The following ITGB5 variants were observed in gnomAD, a reference collection of about 807,000 sequenced individuals.
ITGB5 encodes the protein integrin beta-5.
ITGB5 carries 38 observed loss-of-function variants against 84.8 expected under a neutral mutation model. The observed-to-expected ratio is 0.45, with a 90% CI of 0.35 to 0.59. ITGB5 has a LOEUF of 0.59. Among genes scored for constraint, ITGB5 ranks in the 20% least tolerant of loss-of-function variants. The probability of loss-of-function intolerance (pLI) is 0.01; values close to 1 mark genes in which losing one functional copy is unlikely to be tolerated. For missense variants in ITGB5, 905 were observed against 1,034.5 expected (o/e 0.87, Z 1.72); for synonymous variants, 393 against 414.4 (o/e 0.95, Z 0.63).
chr3:124,772,967 G>A (rs939055442), intron 11 of ITGB5, among the ~76,000 whole-genome samples: 1 of 148,028 alleles, frequency 6.8e-6, no homozygotes, highest in African/African-American at 2.5e-5. Context: ...AGGCTGGGGT[G>A]CAGTGGTGCG....
rs113766698 is a variant in ITGB5, at chr3:124,805,133, T to TTC, written c.1263+3887_1263+3888dup. ...CCTTCCTTTCCCTTCCTTTCTCCCT[T>TTC]TCTCTCTCTCTCTCTCTTTCTTTCT... On this transcript the variant is annotated intron_variant, in intron 9 of 14. Transcript: ENST00000296181. 1.6e-4 allele frequency among the ~76,000 whole-genome samples: 23 copies of TTC among 142,088 alleles called. No individual in the cohort carries two copies. In the South Asian group the frequency reaches 1.7e-3, roughly 10 times the overall value. The allele number at this position is 142,088 out of a possible 152,430, so 93.2% of individuals were successfully genotyped here. A position where few individuals can be genotyped will look rare whatever the true frequency, so the allele number is the denominator to read the frequency against.
chr3:124,863,986 A>AG lies in ITGB5; in HGVS notation c.157-4541dup, dbSNP rs1244389024. On this transcript the variant is annotated intron_variant, in intron 2 of 14. Transcript: ENST00000296181. ...GTTTAAGGTAAAAAAAGAAAAAAAA[A>AG]GAAAAAAAAGAAAGAGAGAGAGAGG... Among the ~76,000 whole-genome samples the AG allele has an allele frequency of 1.7e-4, 25 of 148,114 alleles. No individual in the cohort carries two copies. In the South Asian group the frequency reaches 4.8e-3, roughly 29 times the overall value.
intron 10 of ITGB5, 116 bp from the exon 11 acceptor site, chr3:124,774,028 G>A (rs1237001095): frequency 1.8e-5 from 16 of 886,586 alleles, no homozygotes; most frequent in Non-Finnish European, 2.8e-5. Context: ...CACCAACTCT[G>A]CCCTCAGAGC....
chr3:124,774,695 G>A (rs11720803), intron 10 of ITGB5, among the ~76,000 whole-genome samples: 2,003 of 152,258 alleles, frequency 0.013, 34 homozygotes, highest in South Asian at 0.044. Context: ...CAGAAAACAC[G>A]GTTGTTCTCC....
At chr3:124,837,264 C>T (rs2064948282) in intron 5 of ITGB5, among the ~76,000 whole-genome samples, 1 of 152,236 alleles carries the variant, frequency 6.6e-6, no homozygotes, top group African/African-American at 2.4e-5. Flanking sequence ...GTCTGAACCA[C>T]ACATCACACT....
At chr3:124,804,761 G>T (rs1160168223) in intron 9 of ITGB5, among the ~76,000 whole-genome samples, 2 of 151,788 alleles carry the variant, frequency 1.3e-5, no homozygotes, top group Non-Finnish European at 2.9e-5. Context: ...CTGCCTTCCA[G>T]GTTTGAGCGA....
At chr3:124,771,092 G>C (rs543151938) in intron 11 of ITGB5, among the ~76,000 whole-genome samples, 2 of 152,278 alleles carry the variant, frequency 1.3e-5, no homozygotes, top group African/African-American at 2.4e-5. Flanking sequence ...TGTACTGGTT[G>C]AAACTTGTAA....
chr3:124,764,914 G>A (rs1559918660), intron 13 of ITGB5, among the ~76,000 whole-genome samples: 1 of 152,190 alleles, frequency 6.6e-6, no homozygotes. Flanking sequence ...GGGCAGGCAG[G>A]AGGTACCATG....
At chr3:124,873,408 A>G (rs778559674) in intron 2 of ITGB5, 38 bp downstream of exon 2, 1 of 1,389,314 alleles carries the variant, frequency 7.2e-7, no homozygotes, top group South Asian at 1.2e-5. Flanking sequence ...CCCTCGCAGC[A>G]TTCCTTCCCT....
At chr3:124,891,471 G>A (rs1273803452), upstream of ITGB5, among the ~76,000 whole-genome samples, 1 of 151,848 alleles carries the variant, frequency 6.6e-6, no homozygotes, top group South Asian at 2.1e-4. Flanking sequence ...CTGGAGGCCA[G>A]GAGTTCAAGA....
In ITGB5 at chr3:124,841,512, G is replaced by A. The variant is rs759390558; in HGVS notation, c.651C>T (p.Phe217=). The part of the protein sequence containing the change: ...LFPNCVPSFG[F]RHLLPLTDRV... Reference sequence around the variant, plus strand: ...TGTCTGTGAGAGGCAGCAGATGGCGGAACCCAAAGGAGGGGACGCAATTTG... The same window carrying A: ...TGTCTGTGAGAGGCAGCAGATGGCGAAACCCAAAGGAGGGGACGCAATTTG... Residue 217 remains phenylalanine, a synonymous_variant, in exon 5 of 15, where the codon TTC becomes TTT. Transcript: ENST00000296181. 2 of 1,614,112 alleles carry A rather than the reference G, an allele frequency of 1.2e-6. No individual in the cohort carries two copies. Among genetic ancestry groups the A allele is most frequent in the Non-Finnish European group, 1.7e-6 (2 of 1,179,994 alleles).
intron 5 of ITGB5, among the ~76,000 whole-genome samples, chr3:124,835,153 G>A (rs1380349902): frequency 6.6e-6 from 1 of 152,090 alleles, no homozygotes; most frequent in Non-Finnish European, 1.5e-5. Flanking sequence ...AAAAAGAAAC[G>A]CAAACTCTCC....
At chr3:124,768,803 T>G (rs1194409767) in intron 12 of ITGB5, among the ~76,000 whole-genome samples, 7 of 152,208 alleles carry the variant, frequency 4.6e-5, no homozygotes, top group Admixed American at 4.6e-4. Flanking sequence ...ACGTTTGACT[T>G]TTTAGGAAAC....
chr3:124,777,032 G>A (rs2063936604), intron 10 of ITGB5, among the ~76,000 whole-genome samples: 1 of 152,196 alleles, frequency 6.6e-6, no homozygotes, highest in Non-Finnish European at 1.5e-5. Context: ...GCTGCTTTAA[G>A]TATGTCTGAT....
At chr3:124,790,720 T>G (rs900636436) in intron 10 of ITGB5, among the ~76,000 whole-genome samples, 4 of 152,184 alleles carry the variant, frequency 2.6e-5, no homozygotes, top group Non-Finnish European at 4.4e-5. Flanking sequence ...TTCTTTTTTT[T>G]TTTGTTTGGG....
At chr3:124,804,050 C>A (rs1199666460) in intron 9 of ITGB5, among the ~76,000 whole-genome samples, 2 of 152,156 alleles carry the variant, frequency 1.3e-5, no homozygotes, top group African/African-American at 4.8e-5. Context: ...CCATAAGGAA[C>A]CCCAATATAT....
chr3:124,773,749 C>G lies in ITGB5; in HGVS notation c.1857G>C (p.Gly619=). 6.2e-7 allele frequency: 1 copy of G among 1,612,856 alleles called. No homozygotes were observed. The highest frequency in any genetic ancestry group is 2.2e-5 in the East Asian group (1 of 44,890). ...ACTTCTCACACATCTCCCCAAAGGC[C>G]CCCGGCTCCGTGCATTGGCACTGCC... The part of the protein sequence containing the change: ...LCGQCQCTEP[G]AFGEMCEKCP... The change falls in exon 11 of 15, where the codon GGG becomes GGC. Residue 619 remains glycine (G), a synonymous_variant. Coordinates refer to ENST00000296181, the MANE Select transcript of ITGB5 (RefSeq NM_002213.5).
chr3:124,841,436 G>C lies in ITGB5; in HGVS notation c.727C>G (p.Arg243Gly). ...EVRKQRVSRN[R>G]DAPEGGFDAV... is the part of the protein sequence containing the mutation. ...TCAAAGCCCCCCTCAGGGGCATCTC[G>C]GTTCCGGGACACCCTCTGTTTCCGA... Residue 243 changes from arginine (R) to glycine (G), a missense_variant, in exon 5 of 15, where the codon CGA (arginine) becomes GGA (glycine). Arg to Gly is a moderately radical substitution (Grantham distance 125). Around this residue, in one of 3 missense-constraint regions of ITGB5, gnomAD observed 656 missense variants for 734.7 expected, o/e 0.89. Transcript: ENST00000296181. The C allele has an allele frequency of 6.2e-7, 1 of 1,614,246 alleles. No homozygotes were observed. The highest frequency in any genetic ancestry group is 8.5e-7 in the Non-Finnish European group (1 of 1,180,046).
intron 10 of ITGB5, among the ~76,000 whole-genome samples, chr3:124,793,383 C>T (rs1340218858): frequency 6.6e-6 from 1 of 152,204 alleles, no homozygotes; most frequent in Non-Finnish European, 1.5e-5. Context: ...AAAAAGCCTG[C>T]CAGGCTGCTT....
Sources: allele counts gnomAD v4.1 joint callset (sites outside exome capture counted in the v4.1 genomes callset), GRCh38; gene constraint gnomAD v4.1.1; regional missense constraint gnomAD v4.1.1; transcripts MANE v1.5; gene names NCBI Gene and HGNC (gene_info 2026-07-23, HGNC 2026-07-21).